The following SCO1 variants were observed in gnomAD, a reference collection of about 807,000 sequenced individuals.
SCO1 encodes synthesis of cytochrome C oxidase 1.
In SCO1, 23 loss-of-function variants were observed where a neutral mutation model predicts 34.0. The ratio of observed to expected loss-of-function variants is 0.68; its 90% CI spans 0.49 to 0.96. The LOEUF (loss-of-function observed/expected upper bound fraction) is 0.96, where lower values mean the gene tolerates loss of function less well. Ranked by LOEUF, SCO1 falls within the 40% of genes least tolerant of loss-of-function variation. The pLI is 0.00. For missense variants in SCO1, 404 were observed against 381.6 expected (o/e 1.06, Z -0.49); for synonymous variants, 161 against 145.5 (o/e 1.11, Z -0.77).
chr17:10,686,650 A>G, intron 5 of SCO1, 77 bp downstream of exon 5: 1 of 880,104 alleles, frequency 1.1e-6, no homozygotes. Context: ...CTCAGAAGCT[A>G]GTCAGTCATT....
chr17:10,691,093 T>G (rs191833525), intron 4 of SCO1, among the ~76,000 whole-genome samples: 78 of 152,318 alleles, frequency 5.1e-4, no homozygotes, highest in African/African-American at 1.8e-3. Flanking sequence ...TATGTGTCAA[T>G]TAAACAACAG....
In SCO1 at chr17:10,674,399, C is replaced by G. The variant is rs565191352; in HGVS notation, c.*6720G>C. The G allele has an allele frequency of 3.8e-6, 1 of 264,250 alleles. No homozygotes were observed. The highest frequency in any genetic ancestry group is 1.4e-4 in the East Asian group (1 of 6,948). 16.4% of individuals were successfully genotyped at this position (264,250 alleles called of 1,614,324 possible). Reference sequence around the variant, plus strand: ...CAAGATCGCACCACTGCTCTCCAGCCTAGGCAACAAGAGCGAAACTCCATC... The same window carrying G: ...CAAGATCGCACCACTGCTCTCCAGCGTAGGCAACAAGAGCGAAACTCCATC... On this transcript the variant is annotated 3_prime_UTR_variant, in exon 6 of 6. Transcript: ENST00000255390.
At position 10,686,727 on chromosome 17, in the gene SCO1, T is replaced by G; in HGVS notation, c.771A>C (p.Ile257=). 6.3e-7 allele frequency: 1 copy of G among 1,578,600 alleles called. No homozygotes were observed. The highest frequency in any genetic ancestry group is 8.7e-7 in the Non-Finnish European group (1 of 1,147,580). Reference sequence around the variant, plus strand: ...GGTTAAAACTGGAACATTTACTCACTATGTAGTCTTCATCTTCGTCCTTGG... The same window carrying G: ...GGTTAAAACTGGAACATTTACTCACGATGTAGTCTTCATCTTCGTCCTTGG... ...PGPKDEDEDY[I]VDHTIIMYLI... is the part of the protein sequence containing the mutation. The change falls in exon 5 of 6, where the codon ATA becomes ATC. Residue 257 remains isoleucine (I), a splice_region_variant and synonymous_variant. Transcript: ENST00000255390.
chr17:10,682,472 T>C (rs1318745310), intron 5 of SCO1, among the ~76,000 whole-genome samples: 1 of 152,070 alleles, frequency 6.6e-6, no homozygotes, highest in Non-Finnish European at 1.5e-5. Flanking sequence ...CAGAATTAAG[T>C]CTCCAGTTCT....
At chr17:10,684,085 T>C (rs1038556630) in intron 5 of SCO1, 4 of 152,214 alleles carry the variant, frequency 2.6e-5, no homozygotes, top group African/African-American at 9.7e-5. Flanking sequence ...CATGAATTCC[T>C]CATCGAATCT....
chr17:10,687,146 C>G lies in SCO1; in HGVS notation c.656-304G>C, dbSNP rs2662949. Among the ~76,000 whole-genome samples the G allele has an allele frequency of 0.04, 6,095 of 152,162 alleles. 399 individuals carry two copies. The highest frequency in any genetic ancestry group is 0.13 in the African/African-American group (5,501 of 41,480). On this transcript the variant is annotated intron_variant, in intron 4 of 5. Coordinates refer to ENST00000255390, the MANE Select transcript of SCO1 (RefSeq NM_004589.4). ...TTAAGGAGTAGTCACATGTAGTTCT[C>G]AGATATACTAAAGCTTAAAATTATT...
rs752611150 is a variant in SCO1 at position 10,692,989 on chromosome 17, C to CA, written c.365-29dup. On this transcript the variant is annotated intron_variant, in intron 2 of 5. Transcript: ENST00000255390. ...TAAGGAGACAAAAACATATCGACAC[C>CA]AAAAAAAAAGTCAATTTAACCAGAG... The CA allele has an allele frequency of 2.8e-4, 434 of 1,572,920 alleles. 1 individual carries two copies. In the African/African-American group the frequency reaches 2.9e-3, roughly 11 times the overall value.
Position 10,680,994 on chromosome 17 carries a change from T to G in SCO1, c.*125A>C. On this transcript the variant is annotated 3_prime_UTR_variant, in exon 6 of 6. Coordinates refer to ENST00000255390, the MANE Select transcript of SCO1 (RefSeq NM_004589.4). ...AACATCCCCATCCAAAACAGAAATG[T>G]TCTCATGGTATGAAGGCCATTCTGT... 8.7e-7 allele frequency: 1 copy of G among 1,155,532 alleles called. No individual in the cohort carries two copies. The highest frequency in any genetic ancestry group is 2.3e-5 in the East Asian group (1 of 42,692). 71.6% of individuals were successfully genotyped at this position (1,155,532 alleles called of 1,614,324 possible). A position where few individuals can be genotyped will look rare whatever the true frequency, so the allele number is the denominator to read the frequency against.
At position 10,680,982 on chromosome 17, in the gene SCO1, A is replaced by C; in HGVS notation, c.*137T>G. 9.2e-7 allele frequency: 1 copy of C among 1,091,204 alleles called. No homozygotes were observed. The highest frequency in any genetic ancestry group is 2.4e-5 in the East Asian group (1 of 42,158). The allele number at this position is 1,091,204 out of a possible 1,614,324, so 67.6% of individuals were successfully genotyped here. On this transcript the variant is annotated 3_prime_UTR_variant, in exon 6 of 6. Coordinates refer to ENST00000255390, the MANE Select transcript of SCO1 (RefSeq NM_004589.4). ...GAACGCAAGGGTAACATCCCCATCC[A>C]AAACAGAAATGTTCTCATGGTATGA...
chr17:10,688,057 A>G lies in SCO1; in HGVS notation c.656-1215T>C, dbSNP rs181111683. Among the ~76,000 whole-genome samples the G allele has an allele frequency of 8.8e-4, 134 of 152,366 alleles. 2 individuals are homozygous for G. Among genetic ancestry groups the G allele is most frequent in the African/African-American group, 2.8e-3 (115 of 41,586 alleles). On this transcript the variant is annotated intron_variant, in intron 4 of 5. Transcript: ENST00000255390. ...CTTAAGTATACGTAGTAAAAACTCT[A>G]AACTTCAAGAAGAAAACATAAACCT...
chr17:10,689,352 G>C (rs573764549), intron 4 of SCO1, among the ~76,000 whole-genome samples: 1 of 152,240 alleles, frequency 6.6e-6, no homozygotes, highest in African/African-American at 2.4e-5. Context: ...ACATACAGCA[G>C]ATCCTTCATA....
intron 2 of SCO1, among the ~76,000 whole-genome samples, chr17:10,693,882 A>G (rs892094653): frequency 1.3e-5 from 2 of 152,248 alleles, no homozygotes; most frequent in Admixed American, 1.3e-4. Context: ...ATATGGATTT[A>G]AACTGAATGA....
chr17:10,682,563 AACT>A (rs569679329), intron 5 of SCO1, among the ~76,000 whole-genome samples: 194 of 152,332 alleles, frequency 1.3e-3, no homozygotes, highest in African/African-American at 4.5e-3. Context: ...AAAAAAAACA[AACT>A]ACAGTATGTG....
rs954823753 is a variant in SCO1 at position 10,673,863 on chromosome 17, CTT to C, written c.*7254_*7255del. On this transcript the variant is annotated 3_prime_UTR_variant, in exon 6 of 6. Coordinates refer to ENST00000255390, the MANE Select transcript of SCO1 (RefSeq NM_004589.4). ...AGTTCTGACAGGGAGTGACAGTCGT[CTT>C]TGACAAAAATTTCAAAAGTGGGGCA... is the stretch of plus-strand genomic sequence containing the variant. 12 of 152,170 alleles carry C rather than the reference CTT, an allele frequency of 7.9e-5. No individual in the cohort carries two copies. The allele number at this position is 152,170 out of a possible 1,614,324, so 9.4% of individuals were successfully genotyped here.
intron 4 of SCO1, among the ~76,000 whole-genome samples, chr17:10,687,341 T>C (rs2074662906): frequency 6.6e-6 from 1 of 152,190 alleles, no homozygotes; most frequent in East Asian, 1.9e-4. Flanking sequence ...ACTGGTTAAT[T>C]AATACTAGTC....
Position 10,681,143 on chromosome 17 carries a change from CAT to C in SCO1, c.880_881del (p.Met294GlufsTer21), listed in dbSNP as rs1284925671. 2 of 1,614,168 alleles carry C rather than the reference CAT, an allele frequency of 1.2e-6. No individual in the cohort carries two copies. Among genetic ancestry groups the C allele is most frequent in the African/African-American group, 1.3e-5 (1 of 75,048 alleles). On this transcript the variant is annotated frameshift_variant, in exon 6 of 6. Transcript: ENST00000255390. LOFTEE classifies it high-confidence loss of function. The part of the protein sequence containing the change: ...GEIAASIATH[M>X]RPYRKKS ...GCTAGCTCTTTTTTCTGTATGGCCT[CAT>C]GTGTGTGGCAATTGAAGCAGCTATT...
chr17:10,683,736 TTATATA>T (rs201902186), intron 5 of SCO1, among the ~76,000 whole-genome samples: 1 of 149,718 alleles, frequency 6.7e-6, no homozygotes, highest in Non-Finnish European at 1.5e-5. Flanking sequence ...TAATATAGTA[TTATATA>T]TATATAATAC....
chr17:10,689,301 C>G (rs1426221087), intron 4 of SCO1, among the ~76,000 whole-genome samples: 1 of 152,054 alleles, frequency 6.6e-6, no homozygotes. Context: ...TACTTTATTG[C>G]ATGTCAATTA....
chr17:10,696,770 T>C (rs1281405393), intron 1 of SCO1, among the ~76,000 whole-genome samples: 1 of 152,132 alleles, frequency 6.6e-6, no homozygotes, highest in African/African-American at 2.4e-5. Flanking sequence ...GGGTCAGAAT[T>C]AGAACTCGAG....
Sources: allele counts gnomAD v4.1 joint callset (sites outside exome capture counted in the v4.1 genomes callset), GRCh38; gene constraint gnomAD v4.1.1; transcripts MANE v1.5; gene names NCBI Gene and HGNC (gene_info 2026-07-23, HGNC 2026-07-21).